SPATA6: variants seen among roughly 807,000 people sequenced by gnomAD.
SPATA6 encodes the protein spermatogenesis associated 6.
SPATA6 carries 56 observed loss-of-function variants against 65.3 expected under a neutral mutation model. The ratio of observed to expected loss-of-function variants is 0.86; its 90% CI spans 0.69 to 1.07. The LOEUF is 1.07. Ranked by LOEUF, SPATA6 falls within the 50% of genes least tolerant of loss-of-function variation. The pLI is 0.00. For synonymous variants in SPATA6, 199 were observed against 213.2 expected (o/e 0.93, Z 0.58); for missense variants, 590 against 594.8 (o/e 0.99, Z 0.08).
At chr1:48,471,598 G>C (rs1205088873) in intron 1 of SPATA6, among the ~76,000 whole-genome samples, 3 of 152,154 alleles carry the variant, frequency 2.0e-5, no homozygotes, top group African/African-American at 7.2e-5. Flanking sequence ...AATTCTCTAA[G>C]AGAACTGGAG....
the SPATA6 span, among the ~76,000 whole-genome samples, chr1:48,263,499 C>G: frequency 5.0e-4 from 76 of 152,250 alleles, no homozygotes; most frequent in African/African-American, 1.7e-3. Flanking sequence ...GATCAATTTG[C>G]TGCTCCCAAA....
the SPATA6 span, among the ~76,000 whole-genome samples, chr1:48,276,755 G>A: frequency 6.6e-6 from 1 of 152,282 alleles, no homozygotes; most frequent in South Asian, 2.1e-4. Flanking sequence ...TTCCAATTAT[G>A]TGGTCAATTT....
chr1:48,380,423 G>GA (rs1553160043), intron 9 of SPATA6, among the ~76,000 whole-genome samples: 4 of 152,176 alleles, frequency 2.6e-5, no homozygotes. Flanking sequence ...GATGAGAGTG[G>GA]AAAGGAATTA....
chr1:48,415,773 T>C (rs1027175481), intron 3 of SPATA6, among the ~76,000 whole-genome samples: 14 of 146,388 alleles, frequency 9.6e-5, no homozygotes, highest in Non-Finnish European at 1.9e-4. Flanking sequence ...GAAGCAATAA[T>C]GAAAACAAAT....
intron 9 of SPATA6, among the ~76,000 whole-genome samples, chr1:48,365,845 T>C (rs1407299999): frequency 6.6e-6 from 1 of 152,314 alleles, no homozygotes; most frequent in Non-Finnish European, 1.5e-5. Flanking sequence ...ATAGGAGTGG[T>C]GAGAGAGGGC....
chr1:48,463,874 T>TA (rs1657625001), intron 1 of SPATA6, among the ~76,000 whole-genome samples: 1 of 151,968 alleles, frequency 6.6e-6, no homozygotes, highest in Non-Finnish European at 1.5e-5. Flanking sequence ...TCCAGCAAAA[T>TA]AGAGTAAAAA....
chr1:48,410,149 C>T (rs552198966), intron 5 of SPATA6, among the ~76,000 whole-genome samples: 125 of 152,310 alleles, frequency 8.2e-4, no homozygotes, highest in Non-Finnish European at 1.3e-3. Flanking sequence ...CTCTTGAATG[C>T]TTTGCTGCTT....
At position 48,361,003 on chromosome 1, in the gene SPATA6, G is replaced by A. The variant is rs376562914; in HGVS notation, c.910-1233C>T. Reference sequence around the variant, plus strand: ...AGAAAATTAAGATATTAGGAGTCTAGTTTTGGACATATTAAGCTTCACATA... The same window carrying A: ...AGAAAATTAAGATATTAGGAGTCTAATTTTGGACATATTAAGCTTCACATA... On this transcript the variant is annotated intron_variant, in intron 9 of 12. Transcript: ENST00000371847. 2.2e-3 allele frequency among the ~76,000 whole-genome samples: 330 copies of A among 152,308 alleles called. 3 individuals carry two copies. The highest frequency in any genetic ancestry group is 7.6e-3 in the African/African-American group (317 of 41,566).
intron 9 of SPATA6, among the ~76,000 whole-genome samples, chr1:48,374,190 C>T (rs1426344265): frequency 6.6e-6 from 1 of 151,938 alleles, no homozygotes; most frequent in East Asian, 1.9e-4. Context: ...AAATAAAATT[C>T]TTTATATGTA....
chr1:48,313,614 G>A (rs1645298529), intron 11 of SPATA6, among the ~76,000 whole-genome samples: 2 of 152,068 alleles, frequency 1.3e-5, no homozygotes, highest in African/African-American at 4.8e-5. Flanking sequence ...CGACCATCGA[G>A]GCTAGGAAGA....
chr1:48,267,322 T>C, the SPATA6 span, among the ~76,000 whole-genome samples: 2 of 152,198 alleles, frequency 1.3e-5, no homozygotes, highest in Non-Finnish European at 2.9e-5. Flanking sequence ...AGTTTTGCCA[T>C]CTGCAGGTGG....
At chr1:48,299,086 A>C (rs1462008213) in intron 12 of SPATA6, among the ~76,000 whole-genome samples, 193 bp from the exon 13 acceptor site, 1 of 152,114 alleles carries the variant, frequency 6.6e-6, no homozygotes, top group Non-Finnish European at 1.5e-5. Context: ...ATCTGTGTAA[A>C]ACTGTTATAA....
intron 8 of SPATA6, among the ~76,000 whole-genome samples, chr1:48,391,386 G>A (rs918313486): frequency 2.6e-4 from 39 of 151,168 alleles, no homozygotes; most frequent in Middle Eastern, 3.4e-3. Flanking sequence ...AAAAAAAAAA[G>A]GACAAGGATA....
At chr1:48,335,881 T>A (rs1646045954) in intron 11 of SPATA6, among the ~76,000 whole-genome samples, 1 of 152,126 alleles carries the variant, frequency 6.6e-6, no homozygotes, top group East Asian at 1.9e-4. Flanking sequence ...CTGTAAACGA[T>A]ACATATGACA....
In SPATA6 at chr1:48,359,639, T is replaced by C; in HGVS notation, c.1041A>G (p.Thr347=). The C allele has an allele frequency of 1.2e-6, 2 of 1,613,768 alleles. No individual in the cohort carries two copies. The highest frequency in any genetic ancestry group is 8.5e-7 in the Non-Finnish European group (1 of 1,179,778). The change falls in exon 10 of 13, where the codon ACA becomes ACG. Residue 347 remains threonine (T), a synonymous_variant. Coordinates refer to ENST00000371847, the MANE Select transcript of SPATA6 (RefSeq NM_019073.4). ...RTLLVHSAPS[T]MPKHSPSPVL... ...CAGGGCTTGGAGAATGCTTTGGCAT[T>C]GTTGAGGGTGCTGAATGGACTAGCA... is the stretch of plus-strand genomic sequence containing the variant.
intron 3 of SPATA6, among the ~76,000 whole-genome samples, chr1:48,444,470 C>T (rs905052136): frequency 3.3e-5 from 5 of 152,102 alleles, no homozygotes; most frequent in Admixed American, 1.3e-4. Context: ...CACCAATCGG[C>T]ACTCTGTAAA....
chr1:48,454,931 C>T (rs1451098758), intron 1 of SPATA6, among the ~76,000 whole-genome samples: 2 of 152,164 alleles, frequency 1.3e-5, no homozygotes, highest in African/African-American at 2.4e-5. Context: ...CACACTATTA[C>T]GTTGAATAAA....
At chr1:48,464,239 G>C (rs1254827001) in intron 1 of SPATA6, among the ~76,000 whole-genome samples, 3 of 151,910 alleles carry the variant, frequency 2.0e-5, no homozygotes, top group African/African-American at 7.3e-5. Flanking sequence ...AAACGACAAA[G>C]ATACCTACTT....
intron 11 of SPATA6, among the ~76,000 whole-genome samples, chr1:48,336,684 C>T (rs76502400): frequency 0.031 from 4,628 of 151,642 alleles, 107 homozygotes; most frequent in South Asian, 0.055. Flanking sequence ...TCAAGTACTA[C>T]GCTTGGTACC....
Sources: gnomAD v4.1 joint callset for allele counts (sites outside exome capture counted in the v4.1 genomes callset) on GRCh38, gnomAD v4.1.1 for gene constraint, MANE v1.5 for transcripts, NCBI Gene and HGNC (gene_info 2026-07-23, HGNC 2026-07-21) for gene names.